Variants in ME1 observed in about 807,000 individuals in gnomAD.
ME1 encodes malic enzyme 1.
ME1 carries 74 observed loss-of-function variants against 66.4 expected under a neutral mutation model. That is an observed-to-expected ratio of 1.11 (90% CI 0.92 to 1.35). The LOEUF is 1.35. Ranked by LOEUF, ME1 falls within the 40% of genes most tolerant of loss-of-function variation. ME1 has a pLI of 0.00. For missense variants in ME1, 750 were observed against 694.1 expected (o/e 1.08, Z -0.90); for synonymous variants, 251 against 235.6 (o/e 1.07, Z -0.60).
At chr6:83,406,324 C>G (rs1429080409) in intron 2 of ME1, among the ~76,000 whole-genome samples, 2 of 152,172 alleles carry the variant, frequency 1.3e-5, no homozygotes, top group Non-Finnish European at 2.9e-5. Context: ...ATTTTGCTAT[C>G]AGGATGATGC....
chr6:83,430,182 A>AAAAAC (rs558746166), intron 1 of ME1, among the ~76,000 whole-genome samples: 3,522 of 152,042 alleles, frequency 0.023, 149 homozygotes, highest in African/African-American at 0.079. Flanking sequence ...AAGCCAAATT[A>AAAAAC]AAAACAAAAC....
chr6:83,376,534 C>T (rs1268897857), intron 3 of ME1, among the ~76,000 whole-genome samples: 2 of 150,956 alleles, frequency 1.3e-5, no homozygotes, highest in Non-Finnish European at 3.0e-5. Context: ...GGTGCAGTAG[C>T]TCACACCTGT....
chr6:83,339,848 A>G (rs1258851355), intron 5 of ME1, among the ~76,000 whole-genome samples: 1 of 120,596 alleles, frequency 8.3e-6, no homozygotes, highest in East Asian at 2.6e-4. Flanking sequence ...GAGGGATAGC[A>G]TTGGGAGATA....
Position 83,213,280 on chromosome 6 carries a change from C to T in ME1, c.1549-1186G>A, listed in dbSNP as rs182362970. Among the ~76,000 whole-genome samples the T allele has an allele frequency of 7.5e-3, 1,133 of 150,912 alleles. 19 individuals carry two copies. Among genetic ancestry groups the T allele is most frequent in the African/African-American group, 0.025 (1,048 of 41,158 alleles). ...TCTCTACTAAAAATACAAAATTAGC[C>T]GGGTGTGGTGGTGCATGCCTGTAAC... is the stretch of plus-strand genomic sequence containing the variant. On this transcript the variant is annotated intron_variant, in intron 13 of 13. Coordinates refer to ENST00000369705, the MANE Select transcript of ME1 (RefSeq NM_002395.6).
intron 3 of ME1, among the ~76,000 whole-genome samples, chr6:83,373,483 G>A (rs937572081): frequency 1.3e-5 from 2 of 152,122 alleles, no homozygotes; most frequent in East Asian, 3.9e-4. Flanking sequence ...CTCCAAAAGT[G>A]CTGGGATTAC....
intron 10 of ME1, among the ~76,000 whole-genome samples, 196 bp from the exon 11 acceptor site, chr6:83,227,673 T>C (rs1790223997): frequency 6.6e-6 from 1 of 152,200 alleles, no homozygotes; most frequent in Non-Finnish European, 1.5e-5. Context: ...TTACAATCCT[T>C]AGGGTCACAA....
chr6:83,413,178 GT>G (rs1176351934), intron 1 of ME1, among the ~76,000 whole-genome samples: 10 of 152,120 alleles, frequency 6.6e-5, no homozygotes, highest in Non-Finnish European at 1.3e-4. Context: ...AGCTAATTGT[GT>G]TTGTATTTTT....
intron 12 of ME1, among the ~76,000 whole-genome samples, chr6:83,217,422 A>G (rs534024937): frequency 5.3e-5 from 8 of 152,356 alleles, no homozygotes; most frequent in African/African-American, 7.2e-5. Flanking sequence ...TTTTTAAATC[A>G]TGAAATTATT....
At chr6:83,323,138 A>G (rs963456002) in intron 5 of ME1, among the ~76,000 whole-genome samples, 1 of 152,212 alleles carries the variant, frequency 6.6e-6, no homozygotes, top group African/African-American at 2.4e-5. Flanking sequence ...CCTGCCTTAC[A>G]AGAGCTCCTG....
intron 5 of ME1, among the ~76,000 whole-genome samples, chr6:83,324,882 C>A (rs1768257616): frequency 6.6e-6 from 1 of 152,146 alleles, no homozygotes; most frequent in Admixed American, 6.6e-5. Context: ...CAGCATCATC[C>A]TGATACCAAA....
At chr6:83,213,267 A>C (rs1204467034) in intron 13 of ME1, among the ~76,000 whole-genome samples, 1 of 151,592 alleles carries the variant, frequency 6.6e-6, no homozygotes, top group African/African-American at 2.4e-5. Context: ...TCTACTAAAA[A>C]TACAAAATTA....
chr6:83,430,810 C>A (rs905533103), intron 1 of ME1, 67 bp downstream of exon 1: 42 of 1,382,454 alleles, frequency 3.0e-5, no homozygotes, highest in Non-Finnish European at 3.8e-5. Flanking sequence ...GGTGCGGGGA[C>A]CTGCAAGAGG....
At chr6:83,297,636 T>G (rs575121087) in intron 6 of ME1, among the ~76,000 whole-genome samples, 1 of 152,242 alleles carries the variant, frequency 6.6e-6, no homozygotes, top group Non-Finnish European at 1.5e-5. Flanking sequence ...ATGTGCAGGT[T>G]TGTTACATAG....
chr6:83,345,306 C>A (rs1299757681), intron 5 of ME1, among the ~76,000 whole-genome samples: 4 of 152,158 alleles, frequency 2.6e-5, no homozygotes, highest in Non-Finnish European at 5.9e-5. Flanking sequence ...AAAATGTATC[C>A]TTTGATAAAG....
intron 5 of ME1, among the ~76,000 whole-genome samples, chr6:83,319,166 G>T (rs1008781989): frequency 1.3e-5 from 2 of 149,400 alleles, no homozygotes; most frequent in South Asian, 2.1e-4. Flanking sequence ...GGTCAGGGGA[G>T]GGGGGAGGGA....
chr6:83,316,768 A>G (rs943239208), intron 5 of ME1, among the ~76,000 whole-genome samples: 17 of 152,126 alleles, frequency 1.1e-4, no homozygotes, highest in African/African-American at 3.9e-4. Context: ...TTTTACCTCT[A>G]TACACTTGCA....
chr6:83,426,272 C>A (rs1770369356), intron 1 of ME1, among the ~76,000 whole-genome samples: 1 of 152,172 alleles, frequency 6.6e-6, no homozygotes, highest in Admixed American at 6.5e-5. Flanking sequence ...AAATCCATTC[C>A]TTTCTTCAAT....
Position 83,414,131 on chromosome 6 carries a change from A to AC in ME1, c.79-6231dup, listed in dbSNP as rs57078617. Among the ~76,000 whole-genome samples, 5 of 150,430 alleles carry AC rather than the reference A, an allele frequency of 3.3e-5. No homozygotes were observed. The East Asian group carries it at 9.7e-4, about 29-fold the overall frequency. On this transcript the variant is annotated intron_variant, in intron 1 of 13. Coordinates refer to ENST00000369705, the MANE Select transcript of ME1 (RefSeq NM_002395.6). ...ATCTTGAAAAAAAAAAAAAAAAAAA[A>AC]CTAAAAAAATTTATTTTTATGGTGG...
chr6:83,327,466 G>A (rs555624785), intron 5 of ME1, among the ~76,000 whole-genome samples: 24 of 152,212 alleles, frequency 1.6e-4, no homozygotes, highest in South Asian at 1.5e-3. Context: ...TGGCCCCCCC[G>A]GGGCACACCT....
Sources: gnomAD v4.1 joint callset for allele counts (sites outside exome capture counted in the v4.1 genomes callset) on GRCh38, gnomAD v4.1.1 for gene constraint, MANE v1.5 for transcripts, NCBI Gene and HGNC (gene_info 2026-07-23, HGNC 2026-07-21) for gene names.